GPATCH2L: variants seen among roughly 807,000 people sequenced by gnomAD.
GPATCH2L encodes the protein G-patch domain containing 2 like.
Under a neutral mutation model 57.4 loss-of-function variants are expected in GPATCH2L, and 31 were observed. That is an observed-to-expected ratio of 0.54 (90% CI 0.41 to 0.73). GPATCH2L has a LOEUF of 0.73. Ranked by LOEUF, GPATCH2L falls within the 30% of genes least tolerant of loss-of-function variation. The pLI, the probability that GPATCH2L is intolerant of heterozygous loss-of-function variation, is 0.00. For synonymous variants in GPATCH2L, 199 were observed against 210.7 expected (o/e 0.94, Z 0.48); for missense variants, 481 against 599.9 (o/e 0.80, Z 2.07).
rs1437740111 is a variant in GPATCH2L at position 76,202,464 on chromosome 14, T to G, written c.*613T>G. ...TGTCTGCAGAAACTCAGACAGCTCATCAGCAGCAGCAGCTGTATTGTATTT... is the reference window on the plus strand; with the variant it reads ...TGTCTGCAGAAACTCAGACAGCTCAGCAGCAGCAGCAGCTGTATTGTATTT... On this transcript the variant is annotated 3_prime_UTR_variant, in exon 10 of 10. Transcript: ENST00000261530. The G allele has an allele frequency of 1.3e-5, 2 of 152,624 alleles. No individual in the cohort carries two copies. Among genetic ancestry groups the G allele is most frequent in the Admixed American group, 6.6e-5 (1 of 15,266 alleles). The allele number at this position is 152,624 out of a possible 1,614,324, so 9.5% of individuals were successfully genotyped here.
At chr14:76,191,254 C>G (rs778533384) in intron 8 of GPATCH2L, among the ~76,000 whole-genome samples, 1 of 152,046 alleles carries the variant, frequency 6.6e-6, no homozygotes, top group African/African-American at 2.4e-5. Flanking sequence ...GAAAAGGAGT[C>G]AAGTGGTTGT....
chr14:76,155,036 CCTTA>C lies in GPATCH2L; in HGVS notation c.662+14_662+17del. The C allele has an allele frequency of 6.3e-7, 1 of 1,593,318 alleles. No homozygotes were observed. On this transcript the variant is annotated intron_variant, in intron 2 of 9. Coordinates refer to ENST00000261530, the MANE Select transcript of GPATCH2L (RefSeq NM_017926.4). ...GAACATGTCAGAATGGTGAGATCTC[CCTTA>C]CTAAGTCAAAGATTTTCCTGGTTAA...
At chr14:76,214,995 C>T (rs558581156), downstream of GPATCH2L, among the ~76,000 whole-genome samples, 5 of 151,732 alleles carry the variant, frequency 3.3e-5, no homozygotes, top group Admixed American at 6.6e-5. Context: ...ACTGAGCATC[C>T]GTACAGAATT....
rs1480897597 is a variant in GPATCH2L at position 76,207,731 on chromosome 14, A to G, written c.*5880A>G. On this transcript the variant is annotated 3_prime_UTR_variant, in exon 10 of 10. Coordinates refer to ENST00000261530, the MANE Select transcript of GPATCH2L (RefSeq NM_017926.4). The stretch of plus-strand genomic sequence containing the variant: ...GCAATTTTGCAGGGGTTGGAGACCA[A>G]TAGCGATGTCATGCTTTTTGGTTGT... The G allele has an allele frequency of 6.6e-6, 1 of 152,190 alleles. No homozygotes were observed. Among genetic ancestry groups the G allele is most frequent in the African/African-American group, 2.4e-5 (1 of 41,452 alleles). 9.4% of individuals were successfully genotyped at this position (152,190 alleles called of 1,614,324 possible).
At chr14:76,188,296 C>T (rs1401607884) in intron 8 of GPATCH2L, among the ~76,000 whole-genome samples, 2 of 152,194 alleles carry the variant, frequency 1.3e-5, no homozygotes, top group East Asian at 1.9e-4. Flanking sequence ...AACCTCCAAA[C>T]TATTCTGCAT....
intron 1 of GPATCH2L, among the ~76,000 whole-genome samples, chr14:76,226,409 C>T (rs915830104): frequency 6.6e-6 from 1 of 152,180 alleles, no homozygotes. Context: ...CTGAACTTTG[C>T]TGTTACAAAT....
rs144167340 is a variant in GPATCH2L, at chr14:76,231,416, G to A, written c.*117+1463G>A. Among the ~76,000 whole-genome samples the A allele has an allele frequency of 5.9e-5, 9 of 152,082 alleles. No individual in the cohort carries two copies. In the East Asian group the frequency reaches 1.7e-3, roughly 29 times the overall value. ...TTTCTTCTTCCCATCCTTTATATTTGTCCTTCCCCCTTTTTAGTGGTGCCC... is the reference window on the plus strand; with the variant it reads ...TTTCTTCTTCCCATCCTTTATATTTATCCTTCCCCCTTTTTAGTGGTGCCC... On this transcript the variant is annotated intron_variant and NMD_transcript_variant, in intron 2 of 3. Coordinates refer to the GPATCH2L transcript ENST00000556372.
chr14:76,223,603 A>AT (rs1242463061), intron 1 of GPATCH2L, among the ~76,000 whole-genome samples: 16 of 152,210 alleles, frequency 1.1e-4, no homozygotes, highest in Non-Finnish European at 1.9e-4. Context: ...AAAATTTAAA[A>AT]TTTTTTGCTT....
intron 3 of GPATCH2L, among the ~76,000 whole-genome samples, chr14:76,171,630 C>G (rs2039088243): frequency 6.6e-6 from 1 of 151,960 alleles, no homozygotes; most frequent in East Asian, 1.9e-4. Context: ...GCCTGTGGTT[C>G]CAGCCACTTG....
intron 5 of GPATCH2L, chr14:76,175,054 A>G (rs1180261820): frequency 6.6e-6 from 1 of 152,214 alleles, no homozygotes; most frequent in Non-Finnish European, 1.5e-5. Context: ...GTTAACAGGG[A>G]TAGCTAGCAG....
In GPATCH2L at chr14:76,204,587, T is replaced by C. The variant is rs1475417060; in HGVS notation, c.*2736T>C. On this transcript the variant is annotated 3_prime_UTR_variant, in exon 10 of 10. Transcript: ENST00000261530. ...GTATAATGTCGTAAGTTAAGAAAAA[T>C]CTGTTATCTTTCAAAGAAGTTACGT... The C allele has an allele frequency of 6.6e-6, 1 of 152,190 alleles. No homozygotes were observed. Among genetic ancestry groups the C allele is most frequent in the African/African-American group, 2.4e-5 (1 of 41,450 alleles). 9.4% of individuals were successfully genotyped at this position (152,190 alleles called of 1,614,324 possible). A position where few individuals can be genotyped will look rare whatever the true frequency, so the allele number is the denominator to read the frequency against.
At chr14:76,161,157 C>T (rs922229892) in intron 2 of GPATCH2L, among the ~76,000 whole-genome samples, 4 of 152,060 alleles carry the variant, frequency 2.6e-5, no homozygotes, top group African/African-American at 7.3e-5. Flanking sequence ...CCACCTCTAC[C>T]CTGGAAAAAA....
chr14:76,229,114 A>G (rs1040189449), intron 1 of GPATCH2L, among the ~76,000 whole-genome samples: 2 of 152,214 alleles, frequency 1.3e-5, no homozygotes, highest in African/African-American at 4.8e-5. Flanking sequence ...CAAGCTCTCC[A>G]TGGGCATCAA....
intron 9 of GPATCH2L, chr14:76,196,217 C>A: frequency 1.6e-6 from 1 of 630,680 alleles, no homozygotes; most frequent in South Asian, 1.8e-5. Context: ...CAGCAATCTC[C>A]AGTCATCTGA....
At chr14:76,162,261 A>G (rs1329790859) in intron 2 of GPATCH2L, among the ~76,000 whole-genome samples, 4 of 152,000 alleles carry the variant, frequency 2.6e-5, no homozygotes, top group Non-Finnish European at 5.9e-5. Context: ...TCATAAAGCT[A>G]TTGGACTTAG....
rs748813141 is a variant in GPATCH2L, at chr14:76,171,989, T to A, written c.874T>A (p.Phe292Ile). The change falls in exon 4 of 10, where the codon TTC becomes ATC. Residue 292 changes from phenylalanine (F) to isoleucine (I), a missense_variant. Transcript: ENST00000261530. ...SGLDKFSDST[F>I]LLPSRPAQRG... is the part of the protein sequence containing the mutation. ...ATTGGATAAATTTTCAGATTCCACA[T>A]TCCTTTTACCTTCTCGGCCAGCTCA... The A allele has an allele frequency of 6.2e-7, 1 of 1,612,398 alleles. No individual in the cohort carries two copies. The highest frequency in any genetic ancestry group is 8.5e-7 in the Non-Finnish European group (1 of 1,179,198).
At chr14:76,200,269 T>C (rs1237291257) in intron 9 of GPATCH2L, among the ~76,000 whole-genome samples, 1 of 152,136 alleles carries the variant, frequency 6.6e-6, no homozygotes, top group Non-Finnish European at 1.5e-5. Context: ...TATACAACAG[T>C]GTGAATGTAC....
intron 2 of GPATCH2L, among the ~76,000 whole-genome samples, chr14:76,232,642 G>T (rs2040578444): frequency 6.6e-6 from 1 of 152,156 alleles, no homozygotes; most frequent in African/African-American, 2.4e-5. Flanking sequence ...ACGGTTATGG[G>T]TTATTACAGC....
At chr14:76,189,989 C>A (rs535838709) in intron 8 of GPATCH2L, among the ~76,000 whole-genome samples, 1 of 152,114 alleles carries the variant, frequency 6.6e-6, no homozygotes, top group Admixed American at 6.6e-5. Context: ...GCTTGCCATT[C>A]GCAGACAGAC....
Sources: allele counts gnomAD v4.1 joint callset (sites outside exome capture counted in the v4.1 genomes callset), GRCh38; gene constraint gnomAD v4.1.1; transcripts MANE v1.5; gene names NCBI Gene and HGNC (gene_info 2026-07-23, HGNC 2026-07-21).